The following CCDC125 variants were observed in gnomAD, a reference collection of about 807,000 sequenced individuals.
CCDC125 encodes coiled-coil domain containing 125.
Under a neutral mutation model 57.4 loss-of-function variants are expected in CCDC125, and 43 were observed. The observed-to-expected ratio is 0.75, with a 90% CI of 0.59 to 0.97. CCDC125 has a LOEUF of 0.97. Among genes scored for constraint, CCDC125 ranks in the 50% least tolerant of loss-of-function variants. The probability of loss-of-function intolerance (pLI) is 0.00; values close to 1 mark genes in which losing one functional copy is unlikely to be tolerated. For missense variants in CCDC125, 563 were observed against 595.7 expected, an observed-to-expected ratio of 0.95 and a Z score of 0.57; for synonymous variants, 187 against 195.2, an observed-to-expected ratio of 0.96 and a Z score of 0.35.
In CCDC125 at chr5:69,312,424, G is replaced by A. The variant is rs561370341; in HGVS notation, c.367-1220C>T. On this transcript the variant is annotated intron_variant, in intron 3 of 11. Transcript: ENST00000396496. Reference sequence around the variant, plus strand: ...GGCAGCCAAATACAGTAGCTTTCACGGGAAGAGTCCCAAACACACAGTAAG... The same window carrying A: ...GGCAGCCAAATACAGTAGCTTTCACAGGAAGAGTCCCAAACACACAGTAAG... 9.9e-5 allele frequency among the ~76,000 whole-genome samples: 15 copies of A among 152,248 alleles called. No homozygotes were observed. In the South Asian group the frequency reaches 1.9e-3, roughly 19 times the overall value.
chr5:69,307,681 CAA>C (rs34077586), intron 5 of CCDC125: 4,045 of 290,410 alleles, frequency 0.014, no homozygotes, highest in South Asian at 0.022. Flanking sequence ...GACTCCATCT[CAA>C]AAAAAAAAAA....
In CCDC125 at chr5:69,320,326, G is replaced by T. The variant is rs760868721; in HGVS notation, c.215C>A (p.Ala72Glu). The change falls in exon 2 of 12, where the codon GCG becomes GAG. Residue 72 changes from alanine to glutamate, a missense_variant. Physicochemically the swap from Ala to Glu is moderately radical, Grantham distance 107. Transcript: ENST00000396496. ...FPRKGEERNE[A>E]SFQYSKHKSQ... ...CTTATGCTTGGAATACTGAAAACTC[G>T]CTTCATTTCTTTCTTCTCCCTTTCT... The T allele has an allele frequency of 1.1e-5, 17 of 1,613,774 alleles. No homozygotes were observed. Among genetic ancestry groups the T allele is most frequent in the Non-Finnish European group, 1.4e-5 (16 of 1,179,930 alleles).
At chr5:69,320,140 A>G in intron 2 of CCDC125, 97 bp downstream of exon 2, 2 of 1,209,778 alleles carry the variant, frequency 1.7e-6, no homozygotes, top group Non-Finnish European at 2.3e-6. Flanking sequence ...AAGAAAATCT[A>G]AAATCCAATA....
chr5:69,304,412 T>C lies in CCDC125; in HGVS notation c.618-483A>G, dbSNP rs1580105664. Among the ~76,000 whole-genome samples, 9 of 141,816 alleles carry C rather than the reference T, an allele frequency of 6.3e-5. 1 individual carries two copies. The South Asian group carries it at 2.1e-3, about 33-fold the overall frequency. The allele number at this position is 141,816 out of a possible 152,430, so 93.0% of individuals were successfully genotyped here. Reference sequence around the variant, plus strand: ...GAGCCATCATGCCCGGCCAGGATTTTAAACATACCCTTTTTTTTTTTTTTT... The same window carrying C: ...GAGCCATCATGCCCGGCCAGGATTTCAAACATACCCTTTTTTTTTTTTTTT... On this transcript the variant is annotated intron_variant, in intron 6 of 11. Coordinates refer to ENST00000396496, the MANE Select transcript of CCDC125 (RefSeq NM_176816.5).
chr5:69,279,661 A>T (rs1358607624), downstream of CCDC125, among the ~76,000 whole-genome samples: 3 of 152,082 alleles, frequency 2.0e-5, no homozygotes, highest in Admixed American at 6.6e-5. Context: ...TCGTGCTTCA[A>T]ATCTGTCTGA....
intron 2 of CCDC125, among the ~76,000 whole-genome samples, chr5:69,319,233 G>T (rs539540262): frequency 1.6e-4 from 24 of 151,976 alleles, no homozygotes; most frequent in African/African-American, 5.5e-4. Flanking sequence ...CGGCCTGCAG[G>T]TTTATTTTCT....
chr5:69,274,803 A>G, the CCDC125 span, among the ~76,000 whole-genome samples: 5,709 of 152,102 alleles, frequency 0.038, 394 homozygotes, highest in African/African-American at 0.13. Flanking sequence ...TTTAGTAGAG[A>G]CAGGGTTTCA....
chr5:69,284,276 T>C (rs1039780869), intron 11 of CCDC125, among the ~76,000 whole-genome samples: 5 of 152,192 alleles, frequency 3.3e-5, no homozygotes, highest in Non-Finnish European at 7.3e-5. Context: ...TGAAGTTATT[T>C]GTATATAAAA....
At chr5:69,295,842 C>T (rs569546636) in intron 8 of CCDC125, among the ~76,000 whole-genome samples, 24 of 152,118 alleles carry the variant, frequency 1.6e-4, no homozygotes, top group Middle Eastern at 3.4e-3. Flanking sequence ...TAAACATTGT[C>T]CATATAAGCC....
chr5:69,278,268 C>T (rs918934135), downstream of CCDC125, among the ~76,000 whole-genome samples: 3 of 151,674 alleles, frequency 2.0e-5, no homozygotes, highest in African/African-American at 4.8e-5. Flanking sequence ...TGCAGTGGTG[C>T]GATCTTGGCT....
rs760761563 is a variant in CCDC125, at chr5:69,300,115, C to T, written c.713G>A (p.Arg238Gln). The T allele has an allele frequency of 1.8e-5, 29 of 1,613,546 alleles. No homozygotes were observed. Among genetic ancestry groups the T allele is most frequent in the South Asian group, 4.4e-5 (4 of 91,072 alleles). Residue 238 changes from arginine (R) to glutamine (Q), a missense_variant, in exon 8 of 12, where the codon CGG becomes CAG. Transcript: ENST00000396496. ...AAGCATGGCGAGGGCCTCCAAATAC[C>T]GTTGATTCAAAACTAGGAAGGGCCA... is the stretch of plus-strand genomic sequence containing the variant. ...LKSDNAVLNQ[R>Q]YLEALAMLDI...
At chr5:69,274,735 C>T in the CCDC125 span, among the ~76,000 whole-genome samples, 1 of 152,196 alleles carries the variant, frequency 6.6e-6, no homozygotes, top group East Asian at 1.9e-4. Flanking sequence ...CCTGTCTCAG[C>T]CTCCCTAGTA....
In CCDC125 at chr5:69,300,135, G is replaced by A. The variant is rs1195391794; in HGVS notation, c.701-8C>T. On this transcript the variant is annotated splice_polypyrimidine_tract_variant and splice_region_variant and intron_variant, in intron 7 of 11. Coordinates refer to ENST00000396496, the MANE Select transcript of CCDC125 (RefSeq NM_176816.5). ...AATACCGTTGATTCAAAACTAGGAA[G>A]GGCCATATGAGAAAGTATTCATTAT... The A allele has an allele frequency of 5.6e-6, 9 of 1,597,352 alleles. No homozygotes were observed. The highest frequency in any genetic ancestry group is 7.7e-6 in the Non-Finnish European group (9 of 1,164,854).
chr5:69,290,192 CG>C (rs1465181658), intron 10 of CCDC125, among the ~76,000 whole-genome samples: 3 of 151,814 alleles, frequency 2.0e-5, no homozygotes, highest in Non-Finnish European at 4.4e-5. Flanking sequence ...CTAAAATTCA[CG>C]ACAGCTGACT....
chr5:69,305,809 C>T (rs1045222340), intron 6 of CCDC125, among the ~76,000 whole-genome samples: 1 of 152,168 alleles, frequency 6.6e-6, no homozygotes, highest in African/African-American at 2.4e-5. Flanking sequence ...CCCTTGTTCA[C>T]TGGAGCAAGG....
chr5:69,289,135 G>A (rs1014676731), intron 10 of CCDC125, among the ~76,000 whole-genome samples: 6 of 152,206 alleles, frequency 3.9e-5, no homozygotes, highest in Admixed American at 1.3e-4. Context: ...ACAGGCATTC[G>A]TAAGATTAAG....
At chr5:69,287,205 A>T (rs1210159005) in intron 10 of CCDC125, among the ~76,000 whole-genome samples, 2 of 152,064 alleles carry the variant, frequency 1.3e-5, no homozygotes, top group African/African-American at 2.4e-5. Context: ...TCACTGAGAA[A>T]CTGAGAAAGA....
At chr5:69,323,567 A>C (rs893334182) in intron 1 of CCDC125, among the ~76,000 whole-genome samples, 2 of 152,044 alleles carry the variant, frequency 1.3e-5, no homozygotes, top group African/African-American at 2.4e-5. Flanking sequence ...GAATCAACCA[A>C]TGTGGAACTC....
intron 11 of CCDC125, among the ~76,000 whole-genome samples, chr5:69,283,790 CA>C (rs1054834447): frequency 5.5e-5 from 7 of 127,862 alleles, no homozygotes; most frequent in African/African-American, 1.2e-4. Context: ...GCCAGGCTGA[CA>C]ATTTTTTTTT....
Sources: gnomAD v4.1 joint callset for allele counts (sites outside exome capture counted in the v4.1 genomes callset) on GRCh38, gnomAD v4.1.1 for gene constraint, MANE v1.5 for transcripts, NCBI Gene and HGNC (gene_info 2026-07-23, HGNC 2026-07-21) for gene names.